TANC2: variants seen among roughly 807,000 people sequenced by gnomAD.
The protein encoded by TANC2 is protein TANC2.
In TANC2, 26 loss-of-function variants were observed where a neutral mutation model predicts 210.5. That is an observed-to-expected ratio of 0.12 (90% CI 0.09 to 0.17). The LOEUF is 0.17. Among genes scored for constraint, TANC2 ranks in the 10% least tolerant of loss-of-function variants. The pLI, the probability that TANC2 is intolerant of heterozygous loss-of-function variation, is 1.00. For missense variants in TANC2, 2,129 were observed against 2,608.9 expected (o/e 0.82, Z 4.01); for synonymous variants, 931 against 967.1 (o/e 0.96, Z 0.69).
chr17:63,032,147 G>T (rs967100381), intron 2 of TANC2, among the ~76,000 whole-genome samples: 1 of 152,230 alleles, frequency 6.6e-6, no homozygotes, highest in African/African-American at 2.4e-5. Flanking sequence ...AGTTCAAATA[G>T]TAGAACATAG....
chr17:63,260,013 A>G (rs918038515), intron 8 of TANC2, among the ~76,000 whole-genome samples: 7 of 152,242 alleles, frequency 4.6e-5, no homozygotes, highest in African/African-American at 1.7e-4. Context: ...ACTTTGCATT[A>G]GCAAGGTCAC....
At chr17:63,371,428 T>C (rs535170577) in intron 14 of TANC2, among the ~76,000 whole-genome samples, 1 of 149,946 alleles carries the variant, frequency 6.7e-6, no homozygotes, top group East Asian at 2.0e-4. Context: ...ATCACACCAT[T>C]GCACTCCAGC....
intron 14 of TANC2, among the ~76,000 whole-genome samples, chr17:63,358,376 A>AGTGTGTGTGTGTGTGT (rs1555641221): frequency 4.9e-5 from 4 of 81,044 alleles, no homozygotes; most frequent in African/African-American, 1.1e-4. Flanking sequence ...AGAGAGAGAG[A>AGTGTGTGTGTGTGTGT]GTATGTGTGT....
chr17:63,259,529 A>G (rs1378838850), intron 8 of TANC2, among the ~76,000 whole-genome samples: 2 of 152,164 alleles, frequency 1.3e-5, no homozygotes, highest in Admixed American at 6.5e-5. Flanking sequence ...CTTCCCTCGT[A>G]GGCTTTTTTC....
intron 2 of TANC2, among the ~76,000 whole-genome samples, chr17:63,032,200 GAGA>G (rs765859640): frequency 5.9e-5 from 9 of 152,300 alleles, no homozygotes; most frequent in Middle Eastern, 3.4e-3. Flanking sequence ...CAGGCACCCA[GAGA>G]AGGATACTGA....
intron 9 of TANC2, among the ~76,000 whole-genome samples, chr17:63,283,510 T>TTGGATGGA (rs993593964): frequency 2.6e-5 from 4 of 151,412 alleles, no homozygotes; most frequent in African/African-American, 7.3e-5. Flanking sequence ...GGAGATTGCA[T>TTGGATGGA]TGGATGGATG....
chr17:63,068,957 A>T lies in TANC2; in HGVS notation c.68-4986A>T, dbSNP rs188727839. Among the ~76,000 whole-genome samples, 549 of 152,272 alleles carry T rather than the reference A, an allele frequency of 3.6e-3. 1 individual carries two copies. The highest frequency in any genetic ancestry group is 6.1e-3 in the Non-Finnish European group (415 of 68,000). On this transcript the variant is annotated intron_variant, in intron 2 of 27. Transcript: ENST00000689528. ...TGCTTGTGATTTTACATATTAAGAT[A>T]TAGCGGTTAATTTGGGGAGGGATGG... is the stretch of plus-strand genomic sequence containing the variant.
intron 19 of TANC2, among the ~76,000 whole-genome samples, chr17:63,400,921 A>AG (rs2048325296): frequency 6.6e-6 from 1 of 151,874 alleles, no homozygotes; most frequent in Admixed American, 6.6e-5. Flanking sequence ...CCAAAGTGCT[A>AG]GGGTTACAGG....
intron 19 of TANC2, among the ~76,000 whole-genome samples, chr17:63,401,126 T>C (rs920443378): frequency 1.3e-5 from 2 of 152,222 alleles, no homozygotes; most frequent in Non-Finnish European, 2.9e-5. Flanking sequence ...TTCTAACTTA[T>C]AGCACATGAT....
intron 8 of TANC2, among the ~76,000 whole-genome samples, chr17:63,257,959 T>G (rs532292215): frequency 1.3e-5 from 2 of 152,338 alleles, no homozygotes; most frequent in African/African-American, 4.8e-5. Flanking sequence ...GTTTTGTACC[T>G]AAGATAATTT....
At chr17:63,400,301 T>G (rs2048302757) in intron 19 of TANC2, among the ~76,000 whole-genome samples, 1 of 152,186 alleles carries the variant, frequency 6.6e-6, no homozygotes, top group Non-Finnish European at 1.5e-5. Context: ...TCAAACACAT[T>G]CTAATGGTGT....
intron 9 of TANC2, chr17:63,313,169 C>CT: frequency 6.6e-6 from 1 of 152,290 alleles, no homozygotes; most frequent in East Asian, 1.9e-4. Flanking sequence ...CACTCCTGGC[C>CT]TTTCTTGTGC....
In TANC2 at chr17:63,363,823, T is replaced by C. The variant is rs199618449; in HGVS notation, c.2582+8433T>C. Among the ~76,000 whole-genome samples, 7 of 152,350 alleles carry C rather than the reference T, an allele frequency of 4.6e-5. No homozygotes were observed. The East Asian group carries it at 1.2e-3, about 25-fold the overall frequency. On this transcript the variant is annotated intron_variant, in intron 14 of 27. Transcript: ENST00000689528. ...TGTTCTTGCTTAGGATAGCTTTGGC[T>C]ATTCTGGGTCTTTCACTAACACTTG...
chr17:63,379,934 T>A (rs1218170700), intron 15 of TANC2, 108 bp downstream of exon 15: 1 of 961,076 alleles, frequency 1.0e-6, no homozygotes, highest in African/African-American at 1.7e-5. Context: ...GTTCTTTTGC[T>A]GCAAACTTGG....
chr17:63,162,228 C>T (rs1197893707), intron 5 of TANC2, among the ~76,000 whole-genome samples: 1 of 151,484 alleles, frequency 6.6e-6, no homozygotes, highest in Non-Finnish European at 1.5e-5. Flanking sequence ...CACTTGAACC[C>T]AGGAGTTTGA....
At chr17:63,413,741 G>C (rs1472961792) in intron 25 of TANC2, 107 bp downstream of exon 25, 1 of 1,035,340 alleles carries the variant, frequency 9.7e-7, no homozygotes, top group African/African-American at 1.6e-5. Context: ...TAGAGGCAAA[G>C]GGAAACTACT....
At chr17:63,377,254 A>G (rs1190693927) in intron 14 of TANC2, among the ~76,000 whole-genome samples, 6 of 152,194 alleles carry the variant, frequency 3.9e-5, no homozygotes, top group African/African-American at 7.2e-5. Context: ...TTGACTCCTC[A>G]TTGAGTATGC....
Position 63,413,459 on chromosome 17 carries a change from C to T in TANC2, c.3929-84C>T, listed in dbSNP as rs1447182989. 3 of 1,065,744 alleles carry T rather than the reference C, an allele frequency of 2.8e-6. No individual in the cohort carries two copies. The East Asian group carries it at 8.4e-5, about 30-fold the overall frequency. 66.0% of individuals were successfully genotyped at this position (1,065,744 alleles called of 1,614,324 possible). On this transcript the variant is annotated intron_variant, in intron 24 of 27. Transcript: ENST00000689528. ...CAAGTTGTTCTCTCAGCAGAAATTCCCCTAGGGTATTTTTTTCACCTAGCT... is the reference window on the plus strand; with the variant it reads ...CAAGTTGTTCTCTCAGCAGAAATTCTCCTAGGGTATTTTTTTCACCTAGCT...
At chr17:63,288,350 T>C (rs1040204930) in intron 9 of TANC2, among the ~76,000 whole-genome samples, 3 of 152,256 alleles carry the variant, frequency 2.0e-5, no homozygotes, top group Non-Finnish European at 2.9e-5. Flanking sequence ...CTTTCTGTTA[T>C]TGGTTTCTAA....
Sources: gnomAD v4.1 joint callset for allele counts (sites outside exome capture counted in the v4.1 genomes callset) on GRCh38, gnomAD v4.1.1 for gene constraint, MANE v1.5 for transcripts, NCBI Gene and HGNC (gene_info 2026-07-23, HGNC 2026-07-21) for gene names.